Variants in CAMKMT observed in about 807,000 individuals in gnomAD.
CAMKMT encodes the protein CaM KMT.
CAMKMT carries 53 observed loss-of-function variants against 48.0 expected under a neutral mutation model. The ratio of observed to expected loss-of-function variants is 1.10; its 90% CI spans 0.89 to 1.39. CAMKMT has a LOEUF of 1.39. CAMKMT is among the 40% of genes most tolerant of loss of function. The pLI, the probability that CAMKMT is intolerant of heterozygous loss-of-function variation, is 0.00. For synonymous variants in CAMKMT, 165 were observed against 152.3 expected (o/e 1.08, Z -0.61); for missense variants, 428 against 402.7 (o/e 1.06, Z -0.54).
At chr2:44,558,734 G>C (rs908443192) in intron 3 of CAMKMT, among the ~76,000 whole-genome samples, 3 of 152,122 alleles carry the variant, frequency 2.0e-5, no homozygotes, top group African/African-American at 7.2e-5. Flanking sequence ...TAAACGTTGA[G>C]TACACACAGA....
chr2:44,376,850 G>A (rs1679747542), intron 2 of CAMKMT, among the ~76,000 whole-genome samples: 1 of 152,086 alleles, frequency 6.6e-6, no homozygotes, highest in Non-Finnish European at 1.5e-5. Flanking sequence ...CAATGTAAAA[G>A]TTAGGTTACA....
In CAMKMT at chr2:44,754,041, CT is replaced by C. The variant is rs757637991; in HGVS notation, c.699-12del. ...CCCAGTTTAATCTGGATTCTGCTCT[CT>C]TCTCAATGTCAGCCTGTTTCTGGAC... On this transcript the variant is annotated splice_polypyrimidine_tract_variant and intron_variant, in intron 8 of 10. Coordinates refer to ENST00000378494, the MANE Select transcript of CAMKMT (RefSeq NM_024766.5). The C allele has an allele frequency of 6.2e-7, 1 of 1,611,284 alleles. No individual in the cohort carries two copies. The highest frequency in any genetic ancestry group is 8.5e-7 in the Non-Finnish European group (1 of 1,177,642).
intron 3 of CAMKMT, among the ~76,000 whole-genome samples, chr2:44,535,072 A>G (rs1383128256): frequency 6.6e-6 from 1 of 152,084 alleles, no homozygotes; most frequent in Non-Finnish European, 1.5e-5. Flanking sequence ...AGATATTACA[A>G]CTGATACCAC....
chr2:44,437,998 A>G (rs137969986), intron 3 of CAMKMT, among the ~76,000 whole-genome samples: 19 of 152,276 alleles, frequency 1.2e-4, no homozygotes, highest in African/African-American at 4.3e-4. Context: ...AGTAAAAAAT[A>G]CAGACAGCTT....
chr2:44,535,095 G>T (rs1666696117), intron 3 of CAMKMT, among the ~76,000 whole-genome samples: 1 of 151,874 alleles, frequency 6.6e-6, no homozygotes, highest in Non-Finnish European at 1.5e-5. Flanking sequence ...AAATACAAAA[G>T]ATATCAGAGG....
chr2:44,620,679 A>G (rs1005267152), intron 3 of CAMKMT, among the ~76,000 whole-genome samples: 2 of 152,204 alleles, frequency 1.3e-5, no homozygotes, highest in African/African-American at 4.8e-5. Context: ...AATAGTTGTG[A>G]GTTATTTCAC....
chr2:44,397,242 C>T (rs955562664), intron 3 of CAMKMT, among the ~76,000 whole-genome samples: 1 of 152,020 alleles, frequency 6.6e-6, no homozygotes, highest in African/African-American at 2.4e-5. Context: ...AGGTTAAAGT[C>T]AGTCAGTGGC....
chr2:44,441,537 AAG>A (rs1185749235), intron 3 of CAMKMT, among the ~76,000 whole-genome samples: 1 of 152,140 alleles, frequency 6.6e-6, no homozygotes, highest in East Asian at 1.9e-4. Flanking sequence ...ACTGTATAAA[AAG>A]ACTGCGCTAT....
At chr2:44,431,088 GA>G (rs544800259) in intron 3 of CAMKMT, among the ~76,000 whole-genome samples, 223 of 152,250 alleles carry the variant, frequency 1.5e-3, no homozygotes, top group African/African-American at 5.1e-3. Flanking sequence ...ATAAAAGTGA[GA>G]ATAATATTGA....
At chr2:44,516,175 G>T (rs934702357) in intron 3 of CAMKMT, among the ~76,000 whole-genome samples, 1 of 152,014 alleles carries the variant, frequency 6.6e-6, no homozygotes, top group Non-Finnish European at 1.5e-5. Flanking sequence ...AACCATGCCC[G>T]TTTACTTAAA....
At chr2:44,741,118 C>T (rs926937724) in intron 7 of CAMKMT, among the ~76,000 whole-genome samples, 54 of 152,206 alleles carry the variant, frequency 3.5e-4, no homozygotes, top group Admixed American at 3.5e-3. Flanking sequence ...AGCATATGAT[C>T]AGTGGACTTG....
chr2:44,478,247 A>G (rs1451180635), intron 3 of CAMKMT, among the ~76,000 whole-genome samples: 1 of 152,114 alleles, frequency 6.6e-6, no homozygotes. Flanking sequence ...TTGCTTTTTC[A>G]TGGCTTTGAA....
At chr2:44,560,032 A>T (rs972347652) in intron 3 of CAMKMT, among the ~76,000 whole-genome samples, 1 of 152,188 alleles carries the variant, frequency 6.6e-6, no homozygotes, top group Non-Finnish European at 1.5e-5. Context: ...CATCTGTATT[A>T]TTAACTAGCC....
At chr2:44,710,358 G>A (rs920704057) in intron 6 of CAMKMT, among the ~76,000 whole-genome samples, 2 of 152,146 alleles carry the variant, frequency 1.3e-5, no homozygotes, top group Non-Finnish European at 2.9e-5. Flanking sequence ...TGTCTGGAAA[G>A]ATATTAAGAC....
rs911580038 is a variant in CAMKMT, at chr2:44,366,896, A to AT, written c.138+4759dup. On this transcript the variant is annotated intron_variant, in intron 1 of 10. Coordinates refer to ENST00000378494, the MANE Select transcript of CAMKMT (RefSeq NM_024766.5). ...ACCACCACGCCTGGCTAATTTTTGT[A>AT]TTTTTTTTGGCAGGGATGGGGTTTT... 4.2e-4 allele frequency among the ~76,000 whole-genome samples: 63 copies of AT among 151,294 alleles called. No individual in the cohort carries two copies. The South Asian group carries it at 5.0e-3, about 12-fold the overall frequency.
intron 3 of CAMKMT, among the ~76,000 whole-genome samples, chr2:44,392,860 T>C (rs1681482342): frequency 6.6e-6 from 1 of 152,050 alleles, no homozygotes; most frequent in Non-Finnish European, 1.5e-5. Context: ...ACCATGGTAG[T>C]ATGTTAAAGG....
At chr2:44,534,087 A>G (rs1666634641) in intron 3 of CAMKMT, among the ~76,000 whole-genome samples, 5 of 152,216 alleles carry the variant, frequency 3.3e-5, no homozygotes, top group Admixed American at 3.3e-4. Flanking sequence ...CTATACTTAC[A>G]TAAAACAGAC....
intron 3 of CAMKMT, among the ~76,000 whole-genome samples, chr2:44,629,927 C>A (rs1224536769): frequency 2.0e-5 from 3 of 150,920 alleles, no homozygotes; most frequent in African/African-American, 2.4e-5. Flanking sequence ...AAAAAGAGCC[C>A]ACATTGCCAA....
chr2:44,696,657 G>A (rs343982), intron 3 of CAMKMT, among the ~76,000 whole-genome samples: 29,379 of 151,780 alleles, frequency 0.19, 3,147 homozygotes, highest in African/African-American at 0.28. Context: ...CAGACTGAAT[G>A]ATGAGCCCCA....
Sources: allele counts gnomAD v4.1 joint callset (sites outside exome capture counted in the v4.1 genomes callset), GRCh38; gene constraint gnomAD v4.1.1; transcripts MANE v1.5; gene names NCBI Gene and HGNC (gene_info 2026-07-23, HGNC 2026-07-21).